The following LRRN1 variants were observed in gnomAD, a reference collection of about 807,000 sequenced individuals.
The protein encoded by LRRN1 is leucine-rich repeat neuronal protein 1.
Under a neutral mutation model 45.8 loss-of-function variants are expected in LRRN1, and 14 were observed. That is an observed-to-expected ratio of 0.31 (90% CI 0.20 to 0.48). LRRN1 has a LOEUF of 0.48. Among genes scored for constraint, LRRN1 ranks in the 20% least tolerant of loss-of-function variants. The pLI is 0.99. For synonymous variants in LRRN1, 359 were observed against 330.1 expected (o/e 1.09, Z -0.95); for missense variants, 789 against 874.2 (o/e 0.90, Z 1.23).
chr3:3,834,529 T>C lies in LRRN1; in HGVS notation c.-278-9835T>C, dbSNP rs1449449433. On this transcript the variant is annotated intron_variant, in intron 1 of 1. Transcript: ENST00000319331. ...TCTCTTAGAGGGACAGAACAGGATA[T>C]ATATATATATATATATATATATATG... Among the ~76,000 whole-genome samples the C allele has an allele frequency of 4.7e-4, 46 of 97,076 alleles. 4 individuals carry two copies. The highest frequency in any genetic ancestry group is 9.9e-3 in the Middle Eastern group (2 of 202). The allele number at this position is 97,076 out of a possible 152,430, so 63.7% of individuals were successfully genotyped here.
At chr3:3,830,270 C>A (rs777864212) in intron 1 of LRRN1, among the ~76,000 whole-genome samples, 4 of 152,224 alleles carry the variant, frequency 2.6e-5, no homozygotes, top group Non-Finnish European at 4.4e-5. Flanking sequence ...CCACATACCT[C>A]CTCCCCAAAT....
At position 3,846,338 on chromosome 3, in the gene LRRN1, C is replaced by T; in HGVS notation, c.1697C>T (p.Pro566Leu). 6.2e-7 allele frequency: 1 copy of T among 1,613,814 alleles called. No homozygotes were observed. Among genetic ancestry groups the T allele is most frequent in the Non-Finnish European group, 8.5e-7 (1 of 1,179,996 alleles). ...TCTGCCACCATGAAGATTGATAACC[C>T]TCACATAACATATACTGCCAGGGTC... ...WSSATMKIDN[P>L]HITYTARVPV... Residue 566 changes from proline to leucine, a missense_variant, in exon 2 of 2, where the codon CCT becomes CTT. Pro to Leu is a moderately conservative substitution (Grantham distance 98, BLOSUM62 -3). Transcript: ENST00000319331. This position sits in a 1 kb window ranked among gnomAD's most constrained non-coding sequence, Gnocchi z 5.7.
chr3:3,834,065 C>G (rs1273870778), intron 1 of LRRN1, among the ~76,000 whole-genome samples: 2 of 152,146 alleles, frequency 1.3e-5, no homozygotes, highest in African/African-American at 4.8e-5. Flanking sequence ...ACAAGACTCT[C>G]ACTCAGGGTA....
chr3:3,810,846 T>C (rs1692856884), intron 1 of LRRN1, among the ~76,000 whole-genome samples: 1 of 152,184 alleles, frequency 6.6e-6, no homozygotes, highest in Admixed American at 6.5e-5. Flanking sequence ...TTTAGCTAGC[T>C]GATTTTCACT....
intron 1 of LRRN1, among the ~76,000 whole-genome samples, chr3:3,833,775 T>C (rs951484672): frequency 3.3e-5 from 5 of 152,078 alleles, no homozygotes; most frequent in African/African-American, 7.2e-5. Flanking sequence ...GCAGCATGTG[T>C]TGGGGAGGGG....
intron 1 of LRRN1, among the ~76,000 whole-genome samples, chr3:3,815,662 T>C (rs1474027542): frequency 6.6e-6 from 1 of 152,198 alleles, no homozygotes; most frequent in East Asian, 1.9e-4. Flanking sequence ...ATAAAATAAT[T>C]CTCATTTTCT....
At chr3:3,810,483 G>A (rs1692850609) in intron 1 of LRRN1, among the ~76,000 whole-genome samples, 1 of 152,160 alleles carries the variant, frequency 6.6e-6, no homozygotes, top group Admixed American at 6.5e-5. Context: ...AAACCACAAG[G>A]CTTCTGGTTA....
At chr3:3,815,233 C>T (rs925984922) in intron 1 of LRRN1, among the ~76,000 whole-genome samples, 13 of 152,108 alleles carry the variant, frequency 8.5e-5, no homozygotes, top group African/African-American at 3.1e-4. Flanking sequence ...ACAACTGGCT[C>T]TCCAAAAAGG....
intron 1 of LRRN1, among the ~76,000 whole-genome samples, chr3:3,822,454 C>T (rs1451043436): frequency 6.6e-6 from 1 of 152,192 alleles, no homozygotes; most frequent in Non-Finnish European, 1.5e-5. Context: ...TCCTAAATCA[C>T]TGAGATGGAT....
At chr3:3,824,532 CCTGA>C (rs71623145) in intron 1 of LRRN1, among the ~76,000 whole-genome samples, 75,506 of 151,660 alleles carry the variant, frequency 0.5, 22,216 homozygotes, top group Non-Finnish European at 0.67. Context: ...GTTCGGCTGA[CCTGA>C]CTAATTTTTT....
intron 1 of LRRN1, among the ~76,000 whole-genome samples, chr3:3,831,359 T>C (rs1693370154): frequency 6.6e-6 from 1 of 152,240 alleles, no homozygotes; most frequent in African/African-American, 2.4e-5. Flanking sequence ...TCCTGAATTT[T>C]AGTCAGATTT....
intron 1 of LRRN1, among the ~76,000 whole-genome samples, chr3:3,840,923 A>G (rs1693639191): frequency 6.6e-6 from 1 of 152,208 alleles, no homozygotes; most frequent in Non-Finnish European, 1.5e-5. Flanking sequence ...CTCAATACTA[A>G]CAGACTGTTT....
intron 1 of LRRN1, among the ~76,000 whole-genome samples, chr3:3,838,059 A>G (rs1693563947): frequency 6.6e-6 from 1 of 152,180 alleles, no homozygotes; most frequent in Non-Finnish European, 1.5e-5. Context: ...TGCAAAGGAC[A>G]TGATCTTGTT....
intron 1 of LRRN1, among the ~76,000 whole-genome samples, chr3:3,833,653 C>T (rs953594491): frequency 3.9e-5 from 6 of 152,070 alleles, no homozygotes; most frequent in South Asian, 2.1e-4. Context: ...GGGGTGGCTC[C>T]GGAGGAGAAT....
chr3:3,805,759 C>T (rs1692737722), intron 1 of LRRN1, among the ~76,000 whole-genome samples: 1 of 152,138 alleles, frequency 6.6e-6, no homozygotes, highest in Non-Finnish European at 1.5e-5. Context: ...CTCACCTGGG[C>T]CCGCTTGAGG....
intron 1 of LRRN1, among the ~76,000 whole-genome samples, chr3:3,800,151 A>G (rs921565400): frequency 1.3e-5 from 2 of 151,976 alleles, no homozygotes; most frequent in Non-Finnish European, 2.9e-5. Context: ...AAAAAAAAAA[A>G]AAAAAGGTGT....
intron 1 of LRRN1, among the ~76,000 whole-genome samples, chr3:3,828,081 T>C (rs960138805): frequency 6.6e-6 from 1 of 151,338 alleles, no homozygotes; most frequent in African/African-American, 2.4e-5. Flanking sequence ...GAGGGCTCAC[T>C]ATGTGCTGGA....
chr3:3,819,327 C>G (rs1405324354), intron 1 of LRRN1, among the ~76,000 whole-genome samples: 3 of 152,130 alleles, frequency 2.0e-5, no homozygotes, highest in Non-Finnish European at 2.9e-5. Flanking sequence ...CTTTAGTTTA[C>G]TAGGGCTGCC....
At position 3,849,331 on chromosome 3, in the gene LRRN1, A is replaced by C. The variant is rs1693847508; in HGVS notation, c.*2539A>C. On this transcript the variant is annotated 3_prime_UTR_variant, in exon 2 of 2. Coordinates refer to ENST00000319331, the MANE Select transcript of LRRN1 (RefSeq NM_020873.7). ...CTGCCAGCCCAGTTTGGGGGGAAAA[A>C]CCCCTTTTACATTTTTCTTCAGTAA... Among the ~76,000 whole-genome samples the C allele has an allele frequency of 1.3e-5, 2 of 151,274 alleles. No individual in the cohort carries two copies. The highest frequency in any genetic ancestry group is 6.6e-5 in the Admixed American group (1 of 15,200).
Sources: gnomAD v4.1 joint callset for allele counts (sites outside exome capture counted in the v4.1 genomes callset) on GRCh38, gnomAD v4.1.1 for gene constraint, Gnocchi (gnomAD v3.1) non-coding constraint, MANE v1.5 for transcripts, NCBI Gene and HGNC (gene_info 2026-07-23, HGNC 2026-07-21) for gene names.